The following CALN1 variants were observed in gnomAD, a reference collection of about 807,000 sequenced individuals.
CALN1 encodes calneuron 1, also known as calcium-binding protein 8.
A neutral mutation model predicts 30.6 loss-of-function variants in CALN1; 17 were observed. The observed-to-expected ratio is 0.56, with a 90% confidence interval of 0.38 to 0.83. CALN1 has a LOEUF of 0.83. CALN1 is among the 40% of genes least tolerant of loss of function. CALN1 has a pLI of 0.00. For missense variants in CALN1, 291 were observed against 354.9 expected (o/e 0.82, Z 1.45); for synonymous variants, 156 against 131.4 (o/e 1.19, Z -1.28).
intron 2 of CALN1, among the ~76,000 whole-genome samples, chr7:72,286,886 T>C (rs1798116287): frequency 6.6e-6 from 1 of 152,198 alleles, no homozygotes; most frequent in African/African-American, 2.4e-5. Context: ...TAACAAGGTG[T>C]CTATGACACA....
intron 3 of CALN1, among the ~76,000 whole-genome samples, chr7:72,236,417 C>G (rs997470686): frequency 2.6e-5 from 4 of 152,194 alleles, no homozygotes; most frequent in South Asian, 4.1e-4. Context: ...ATGGGATGGT[C>G]TCTCATCGAG....
chr7:71,789,507 G>A (rs1793191929), intron 6 of CALN1, among the ~76,000 whole-genome samples: 2 of 152,134 alleles, frequency 1.3e-5, no homozygotes, highest in Non-Finnish European at 1.5e-5. Flanking sequence ...TGTTTAACAA[G>A]CCCTCCGTGA....
chr7:71,831,612 G>A (rs919898502), intron 5 of CALN1, among the ~76,000 whole-genome samples: 3 of 151,976 alleles, frequency 2.0e-5, no homozygotes, highest in Admixed American at 6.6e-5. Context: ...GAGGCTGGGC[G>A]TTGTGGTTCG....
chr7:72,076,308 A>T (rs1199996253), intron 4 of CALN1, among the ~76,000 whole-genome samples: 1 of 151,834 alleles, frequency 6.6e-6, no homozygotes, highest in Non-Finnish European at 1.5e-5. Flanking sequence ...AAATTAAAAA[A>T]AAAAAGCAGG....
chr7:72,362,670 T>C (rs752699354), intron 2 of CALN1, among the ~76,000 whole-genome samples: 18 of 152,176 alleles, frequency 1.2e-4, no homozygotes, highest in Non-Finnish European at 2.6e-4. Flanking sequence ...CATTCTGTCC[T>C]GCCTGTGTGC....
chr7:72,054,046 G>C (rs530271782), intron 4 of CALN1, among the ~76,000 whole-genome samples: 1 of 152,084 alleles, frequency 6.6e-6, no homozygotes, highest in Non-Finnish European at 1.5e-5. Context: ...CTCATTGATT[G>C]ATGGGCATTT....
At chr7:72,389,339 A>G (rs997154701) in intron 2 of CALN1, among the ~76,000 whole-genome samples, 7 of 152,196 alleles carry the variant, frequency 4.6e-5, no homozygotes, top group Non-Finnish European at 1.0e-4. Context: ...TCTGTTTCAT[A>G]GCCTCCTTCT....
At chr7:72,173,867 A>C (rs1403415775) in intron 3 of CALN1, among the ~76,000 whole-genome samples, 2 of 151,532 alleles carry the variant, frequency 1.3e-5, no homozygotes, top group Non-Finnish European at 3.0e-5. Context: ...AATCTCTGTG[A>C]GCATGAAATA....
intron 4 of CALN1, among the ~76,000 whole-genome samples, chr7:72,080,632 C>T (rs1354672270): frequency 2.0e-5 from 3 of 152,104 alleles, no homozygotes; most frequent in African/African-American, 7.2e-5. Context: ...AAAAGGAAAG[C>T]TGTCAGCACA....
At chr7:72,486,773 A>G in the CALN1 span, among the ~76,000 whole-genome samples, 5 of 152,154 alleles carry the variant, frequency 3.3e-5, no homozygotes, top group Non-Finnish European at 7.4e-5. Context: ...TATTAAAGTC[A>G]TTTATATTTT....
At chr7:72,000,633 A>C (rs1397091632) in intron 5 of CALN1, among the ~76,000 whole-genome samples, 1 of 152,190 alleles carries the variant, frequency 6.6e-6, no homozygotes, top group African/African-American at 2.4e-5. Flanking sequence ...TCTCTCCCAT[A>C]AACAGTTTTA....
chr7:71,987,391 G>C (rs1450313239), intron 5 of CALN1, among the ~76,000 whole-genome samples: 1 of 152,204 alleles, frequency 6.6e-6, no homozygotes, highest in Admixed American at 6.5e-5. Context: ...GGGCCCCCAG[G>C]GGTGGGCTAG....
chr7:72,062,176 C>T (rs1455306239), intron 4 of CALN1, among the ~76,000 whole-genome samples: 1 of 152,144 alleles, frequency 6.6e-6, no homozygotes, highest in Non-Finnish European at 1.5e-5. Context: ...TGTCAGCACA[C>T]CTGCTCTAAA....
At chr7:71,799,727 C>T (rs1314703791) in intron 6 of CALN1, among the ~76,000 whole-genome samples, 52 of 152,186 alleles carry the variant, frequency 3.4e-4, no homozygotes, top group Middle Eastern at 3.4e-3. Context: ...CCACCGGCCT[C>T]AACCTCCCAA....
intron 4 of CALN1, among the ~76,000 whole-genome samples, chr7:72,054,201 T>A (rs1474666293): frequency 1.3e-5 from 2 of 151,878 alleles, no homozygotes; most frequent in Non-Finnish European, 2.9e-5. Context: ...CTACATTTAG[T>A]TCTTTAAGGA....
intron 6 of CALN1, among the ~76,000 whole-genome samples, chr7:71,806,729 C>G (rs567352942): frequency 6.6e-6 from 1 of 152,234 alleles, no homozygotes; most frequent in East Asian, 1.9e-4. Context: ...GACCCCCCCC[C>G]AGGGAGCTGA....
chr7:72,263,515 C>T (rs568502907), intron 3 of CALN1, among the ~76,000 whole-genome samples: 6 of 152,240 alleles, frequency 3.9e-5, no homozygotes, highest in African/African-American at 7.2e-5. Context: ...TCTCCCTCAG[C>T]TTGCTGGGCA....
chr7:72,265,226 T>C (rs1200805543), intron 3 of CALN1, among the ~76,000 whole-genome samples: 1 of 152,182 alleles, frequency 6.6e-6, no homozygotes, highest in Non-Finnish European at 1.5e-5. Context: ...TTAATGACCA[T>C]GTTGATAGAG....
chr7:72,235,454 A>T (rs111237437), intron 3 of CALN1, among the ~76,000 whole-genome samples: 3 of 152,258 alleles, frequency 2.0e-5, no homozygotes, highest in African/African-American at 4.8e-5. Flanking sequence ...CAACTCCTAA[A>T]GAAATAGCTC....
Sources: gnomAD v4.1 joint callset for allele counts (sites outside exome capture counted in the v4.1 genomes callset) on GRCh38, gnomAD v4.1.1 for gene constraint, MANE v1.5 for transcripts, NCBI Gene and HGNC (gene_info 2026-07-23, HGNC 2026-07-21) for gene names.